The following HECW1 variants were observed in gnomAD, a reference collection of about 807,000 sequenced individuals.
The protein encoded by HECW1 is HECT, C2 and WW domain containing E3 ubiquitin protein ligase 1.
Under a neutral mutation model 182.3 loss-of-function variants are expected in HECW1, and 61 were observed. That is an observed-to-expected ratio of 0.33 (90% confidence interval 0.27 to 0.41). The LOEUF is 0.41. Among genes scored for constraint, HECW1 ranks in the 10% least tolerant of loss-of-function variants. The pLI is 1.00. For missense variants in HECW1, 1,739 were observed against 2,108.9 expected, an observed-to-expected ratio of 0.82 and a Z score of 3.44; for synonymous variants, 859 against 832.6, an observed-to-expected ratio of 1.03 and a Z score of -0.55.
chr7:43,178,329 C>T (rs1792466790), intron 2 of HECW1, among the ~76,000 whole-genome samples: 1 of 152,106 alleles, frequency 6.6e-6, no homozygotes, highest in Non-Finnish European at 1.5e-5. Context: ...CTAACTATCC[C>T]CATGGACCGA....
chr7:43,425,570 G>A (rs954221533), intron 8 of HECW1, among the ~76,000 whole-genome samples: 3 of 152,068 alleles, frequency 2.0e-5, no homozygotes, highest in Non-Finnish European at 2.9e-5. Flanking sequence ...TGCTATAATG[G>A]AATACGACAG....
intron 3 of HECW1, among the ~76,000 whole-genome samples, chr7:43,301,615 G>A (rs916121338): frequency 2.0e-5 from 3 of 152,178 alleles, no homozygotes; most frequent in Non-Finnish European, 2.9e-5. Context: ...AGTGGCTCAC[G>A]CCTGTAATTC....
intron 2 of HECW1, among the ~76,000 whole-genome samples, chr7:43,161,439 G>A (rs1428032015): frequency 6.6e-6 from 1 of 152,194 alleles, no homozygotes; most frequent in African/African-American, 2.4e-5. Context: ...GATCCCTTGT[G>A]TAATTACAGT....
At chr7:43,397,736 G>A (rs1331562180) in intron 7 of HECW1, among the ~76,000 whole-genome samples, 1 of 152,178 alleles carries the variant, frequency 6.6e-6, no homozygotes, top group Admixed American at 6.6e-5. Flanking sequence ...CAGTTAGAGT[G>A]GGGCAGGAAC....
chr7:43,188,963 T>C (rs1353783654), intron 2 of HECW1, among the ~76,000 whole-genome samples: 1 of 152,192 alleles, frequency 6.6e-6, no homozygotes, highest in African/African-American at 2.4e-5. Context: ...AATCCGTGGA[T>C]TCCTAGAAGC....
At chr7:43,242,872 G>T (rs1486933266) in intron 2 of HECW1, among the ~76,000 whole-genome samples, 1 of 152,152 alleles carries the variant, frequency 6.6e-6, no homozygotes, top group African/African-American at 2.4e-5. Flanking sequence ...AAGTCCAGTA[G>T]CGTCCACCAG....
chr7:43,413,024 G>A lies in HECW1; in HGVS notation c.801+5293G>A, dbSNP rs966053759. 3.4e-5 allele frequency among the ~76,000 whole-genome samples: 5 copies of A among 148,226 alleles called. No individual in the cohort carries two copies. In the South Asian group the frequency reaches 6.5e-4, roughly 19 times the overall value. On this transcript the variant is annotated intron_variant, in intron 8 of 29. Coordinates refer to ENST00000395891, the MANE Select transcript of HECW1 (RefSeq NM_015052.5). Reference sequence around the variant, plus strand: ...TCTAAATCTAGATCCCTGAGGAATCGCCACACTGACTTCCACAATGGTTGA... The same window carrying A: ...TCTAAATCTAGATCCCTGAGGAATCACCACACTGACTTCCACAATGGTTGA...
Position 43,445,012 on chromosome 7 carries a change from G to T in HECW1, c.1840G>T (p.Glu614Ter). The change falls in exon 11 of 30, where the codon GAA (glutamate) becomes TAA (stop). Residue 614 changes from glutamate to a stop codon, truncating the protein, a stop_gained. Transcript: ENST00000395891. LOFTEE classifies it high-confidence loss of function. ...GGTGGCCGCTGACCCGTCTGCCCTG[G>T]AAGAGGACAGAGAAGAGCCCGAGGG... ...DTVAADPSAL[E>*]EDREEPEGAT... 6.4e-7 allele frequency: 1 copy of T among 1,558,594 alleles called. No individual in the cohort carries two copies.
At chr7:43,307,308 T>C (rs1807702217) in intron 3 of HECW1, among the ~76,000 whole-genome samples, 1 of 152,218 alleles carries the variant, frequency 6.6e-6, no homozygotes, top group Non-Finnish European at 1.5e-5. Flanking sequence ...TCCTATCAGT[T>C]CATATTGTCT....
chr7:43,445,583 A>G lies in HECW1; in HGVS notation c.2398+13A>G, dbSNP rs2077029345. On this transcript the variant is annotated intron_variant, in intron 11 of 29. Transcript: ENST00000395891. ...AATCGGAGAGAAGGTTAGACCTCAA[A>G]CCTGATCAGAGTGAGAATAGGACCA... 1.3e-6 allele frequency: 2 copies of G among 1,549,816 alleles called. No homozygotes were observed. The highest frequency in any genetic ancestry group is 1.4e-5 in the African/African-American group (1 of 73,556).
chr7:43,536,837 G>A (rs561920050), intron 24 of HECW1, among the ~76,000 whole-genome samples: 1 of 152,286 alleles, frequency 6.6e-6, no homozygotes, highest in South Asian at 2.1e-4. Flanking sequence ...TCCTCCGCGA[G>A]GCCCCTCTAA....
intron 6 of HECW1, 103 bp downstream of exon 6, chr7:43,361,083 T>TGC (rs1815839831): frequency 6.0e-6 from 4 of 666,844 alleles, no homozygotes; most frequent in Non-Finnish European, 7.7e-6. Flanking sequence ...TGTGTGTGTG[T>TGC]GTGTGTACGT....
chr7:43,123,778 A>T (rs1260187277), intron 2 of HECW1, among the ~76,000 whole-genome samples: 1 of 152,108 alleles, frequency 6.6e-6, no homozygotes. Flanking sequence ...GAATAGTGGT[A>T]CCATAGCCCT....
Position 43,445,151 on chromosome 7 carries a change from C to G in HECW1, c.1979C>G (p.Ser660Cys). The change falls in exon 11 of 30, where the codon TCC becomes TGC. Residue 660 changes from serine (S) to cysteine (C), a missense_variant. Around this residue, in one of 5 missense-constraint regions of HECW1, gnomAD observed 971 missense variants for 1,029.1 expected, o/e 0.94. Transcript: ENST00000395891. ...THPSTGSESD[S>C]SPRQGGDHSC... ...CCCAGCACCGGGAGCGAGAGCGACTCCAGCCCCAGGCAAGGCGGGGACCAC... is the reference window on the plus strand; with the variant it reads ...CCCAGCACCGGGAGCGAGAGCGACTGCAGCCCCAGGCAAGGCGGGGACCAC... The G allele has an allele frequency of 6.2e-7, 1 of 1,610,894 alleles. No individual in the cohort carries two copies. The highest frequency in any genetic ancestry group is 1.1e-5 in the South Asian group (1 of 90,974).
chr7:43,375,819 G>C (rs145852139), intron 6 of HECW1, among the ~76,000 whole-genome samples: 2 of 150,736 alleles, frequency 1.3e-5, no homozygotes, highest in Non-Finnish European at 3.0e-5. Context: ...CTTGAGCCCT[G>C]GAGGTCAAGG....
At chr7:43,134,491 T>G (rs1351097915) in intron 2 of HECW1, among the ~76,000 whole-genome samples, 2 of 151,666 alleles carry the variant, frequency 1.3e-5, no homozygotes, top group Non-Finnish European at 2.9e-5. Flanking sequence ...TGTTTAAGTG[T>G]TTTTATGTTT....
chr7:43,429,310 A>G (rs1238167638), intron 8 of HECW1, among the ~76,000 whole-genome samples: 2 of 68,178 alleles, frequency 2.9e-5, no homozygotes, highest in East Asian at 8.5e-4. Flanking sequence ...ATATATATAT[A>G]TATATATATA....
intron 24 of HECW1, among the ~76,000 whole-genome samples, chr7:43,533,280 G>A (rs2081062344): frequency 1.3e-5 from 2 of 152,140 alleles, no homozygotes; most frequent in East Asian, 1.9e-4. Flanking sequence ...ACCCATGCAA[G>A]TCCTGGTCCA....
At chr7:43,150,029 C>T (rs144161847) in intron 2 of HECW1, among the ~76,000 whole-genome samples, 2 of 152,288 alleles carry the variant, frequency 1.3e-5, no homozygotes, top group African/African-American at 4.8e-5. Flanking sequence ...ATGATATCTT[C>T]TTGCAGTGCA....
Sources: gnomAD v4.1 joint callset for allele counts (sites outside exome capture counted in the v4.1 genomes callset) on GRCh38, gnomAD v4.1.1 for gene constraint, gnomAD v4.1.1 regional missense constraint, MANE v1.5 for transcripts, NCBI Gene and HGNC (gene_info 2026-07-23, HGNC 2026-07-21) for gene names.